MAGI2: variants seen among roughly 807,000 people sequenced by gnomAD.
MAGI2 encodes the protein membrane associated guanylate kinase, WW and PDZ domain containing 2.
In MAGI2, 35 loss-of-function variants were observed where a neutral mutation model predicts 133.3. The ratio of observed to expected loss-of-function variants is 0.26; its 90% CI spans 0.20 to 0.35. The LOEUF (loss-of-function observed/expected upper bound fraction) is 0.35. MAGI2 is among the 10% of genes least tolerant of loss of function. The pLI is 1.00. For synonymous variants in MAGI2, 729 were observed against 710.6 expected, an observed-to-expected ratio of 1.03 and a Z score of -0.41; for missense variants, 1,636 against 1,863.4, an observed-to-expected ratio of 0.88 and a Z score of 2.25.
chr7:78,122,082 C>A (rs1405058904), intron 20 of MAGI2, among the ~76,000 whole-genome samples: 2 of 152,064 alleles, frequency 1.3e-5, no homozygotes, highest in Non-Finnish European at 2.9e-5. Context: ...TCTGTGGTAA[C>A]AACAGAAGAA....
intron 4 of MAGI2, among the ~76,000 whole-genome samples, chr7:78,507,032 CTTAA>C (rs1045600420): frequency 9.2e-5 from 14 of 152,036 alleles, no homozygotes; most frequent in Non-Finnish European, 1.6e-4. Context: ...TTTCTTTATT[CTTAA>C]TTAATCAAGC....
At chr7:78,909,219 A>G (rs944585526) in intron 2 of MAGI2, among the ~76,000 whole-genome samples, 7 of 152,018 alleles carry the variant, frequency 4.6e-5, no homozygotes, top group Non-Finnish European at 1.0e-4. Flanking sequence ...AAAGAAGCTC[A>G]ACATCACTGA....
chr7:79,058,311 A>G (rs1399185739), intron 1 of MAGI2, among the ~76,000 whole-genome samples: 3 of 152,180 alleles, frequency 2.0e-5, no homozygotes, highest in East Asian at 3.8e-4. Flanking sequence ...CATGAATCTT[A>G]TGCCAAGATA....
At chr7:78,542,946 T>C (rs1483426671) in intron 3 of MAGI2, among the ~76,000 whole-genome samples, 1 of 152,210 alleles carries the variant, frequency 6.6e-6, no homozygotes, top group Non-Finnish European at 1.5e-5. Context: ...TGCATGTGTG[T>C]ATGTGAGAGA....
intron 21 of MAGI2, among the ~76,000 whole-genome samples, chr7:78,058,601 A>T (rs1394180846): frequency 6.6e-6 from 1 of 151,638 alleles, no homozygotes; most frequent in Non-Finnish European, 1.5e-5. Flanking sequence ...CCTCCTGGGT[A>T]GCTGGGACTA....
At chr7:78,205,940 G>A (rs1584387273) in intron 10 of MAGI2, among the ~76,000 whole-genome samples, 1 of 152,284 alleles carries the variant, frequency 6.6e-6, no homozygotes, top group East Asian at 1.9e-4. Flanking sequence ...CACCTCATGT[G>A]ATACAGGATG....
chr7:79,419,572 A>C (rs1018067111), intron 1 of MAGI2, among the ~76,000 whole-genome samples: 2 of 152,082 alleles, frequency 1.3e-5, no homozygotes, highest in Admixed American at 1.3e-4. Context: ...ATGACAACAG[A>C]CATCTTTCTG....
intron 6 of MAGI2, among the ~76,000 whole-genome samples, chr7:78,385,502 A>G (rs987336826): frequency 6.6e-6 from 1 of 152,084 alleles, no homozygotes; most frequent in Non-Finnish European, 1.5e-5. Context: ...GAAATTTCTG[A>G]CTCCCTATTT....
At chr7:79,090,480 G>A (rs540887202) in intron 1 of MAGI2, among the ~76,000 whole-genome samples, 70 of 152,156 alleles carry the variant, frequency 4.6e-4, no homozygotes, top group African/African-American at 1.7e-3. Context: ...TTTCTTGACT[G>A]ATGAAACATC....
intron 2 of MAGI2, among the ~76,000 whole-genome samples, chr7:78,708,605 AAT>A (rs1247933317): frequency 1.3e-5 from 2 of 152,106 alleles, no homozygotes; most frequent in East Asian, 1.9e-4. Flanking sequence ...TTAATGGGAG[AAT>A]ATGTTTCAAA....
At chr7:79,288,020 T>C (rs1448844827) in intron 1 of MAGI2, among the ~76,000 whole-genome samples, 2 of 152,108 alleles carry the variant, frequency 1.3e-5, no homozygotes, top group African/African-American at 2.4e-5. Context: ...ACTATGAACA[T>C]TTTAGGGTCT....
At chr7:78,603,208 G>A (rs1805398004) in intron 3 of MAGI2, among the ~76,000 whole-genome samples, 1 of 152,152 alleles carries the variant, frequency 6.6e-6, no homozygotes, top group Non-Finnish European at 1.5e-5. Context: ...GCTTCATAAG[G>A]AATAGGATCT....
chr7:78,603,519 A>G (rs921356360), intron 3 of MAGI2, among the ~76,000 whole-genome samples: 10 of 152,158 alleles, frequency 6.6e-5, no homozygotes, highest in African/African-American at 2.4e-4. Context: ...ATATTCTGGC[A>G]GATAATATTT....
At chr7:78,023,450 A>C (rs1034356254) in intron 21 of MAGI2, among the ~76,000 whole-genome samples, 2 of 151,854 alleles carry the variant, frequency 1.3e-5, no homozygotes, top group South Asian at 4.2e-4. Context: ...GATCATGTTC[A>C]TTTATGAGGT....
At chr7:79,390,356 T>C (rs1844513581) in intron 1 of MAGI2, among the ~76,000 whole-genome samples, 2 of 152,190 alleles carry the variant, frequency 1.3e-5, no homozygotes, top group African/African-American at 4.8e-5. Flanking sequence ...TCTTCTCCAT[T>C]TGGAAAGTTT....
chr7:78,391,915 G>A (rs1261196937), intron 6 of MAGI2, among the ~76,000 whole-genome samples: 1 of 152,196 alleles, frequency 6.6e-6, no homozygotes, highest in African/African-American at 2.4e-5. Flanking sequence ...CCTGAAGTTA[G>A]TGATTGTGGG....
chr7:78,238,244 C>G (rs1169428293), intron 10 of MAGI2, among the ~76,000 whole-genome samples: 3 of 152,096 alleles, frequency 2.0e-5, no homozygotes, highest in Admixed American at 6.6e-5. Context: ...AGGCATACTC[C>G]CCACATACCA....
intron 2 of MAGI2, among the ~76,000 whole-genome samples, chr7:78,780,335 G>A (rs917712327): frequency 6.6e-6 from 1 of 152,190 alleles, no homozygotes; most frequent in Non-Finnish European, 1.5e-5. Flanking sequence ...CACTCTATGT[G>A]TAGATTTGTG....
intron 1 of MAGI2, among the ~76,000 whole-genome samples, chr7:79,328,605 T>A (rs1839862319): frequency 6.6e-6 from 1 of 152,202 alleles, no homozygotes; most frequent in Non-Finnish European, 1.5e-5. Flanking sequence ...GTCATTTCTT[T>A]TTCTCTGTTG....
Sources: gnomAD v4.1 joint callset for allele counts (sites outside exome capture counted in the v4.1 genomes callset) on GRCh38, gnomAD v4.1.1 for gene constraint, MANE v1.5 for transcripts, NCBI Gene and HGNC (gene_info 2026-07-23, HGNC 2026-07-21) for gene names.